B4GALT5: variants seen among roughly 807,000 people sequenced by gnomAD.
The protein encoded by B4GALT5 is UDP-Gal:beta-GlcNAc beta-1,4-galactosyltransferase 5.
In B4GALT5, 11 loss-of-function variants were observed where a neutral mutation model predicts 45.0. That is an observed-to-expected ratio of 0.24 (90% confidence interval 0.15 to 0.40). The LOEUF is 0.40. Ranked by LOEUF, B4GALT5 falls within the 10% of genes least tolerant of loss-of-function variation. The pLI, the probability that B4GALT5 is intolerant of heterozygous loss-of-function variation, is 1.00. For missense variants in B4GALT5, 337 were observed against 500.2 expected, an observed-to-expected ratio of 0.67 and a Z score of 3.11; for synonymous variants, 185 against 182.9, an observed-to-expected ratio of 1.01 and a Z score of -0.09.
intron 2 of B4GALT5, among the ~76,000 whole-genome samples, chr20:49,655,505 G>C (rs2085639019): frequency 6.6e-6 from 1 of 152,144 alleles, no homozygotes; most frequent in Non-Finnish European, 1.5e-5. Flanking sequence ...TGAATCCTTA[G>C]TAAGATGAAA....
At chr20:49,640,956 T>C (rs2085574636) in intron 5 of B4GALT5, among the ~76,000 whole-genome samples, 1 of 151,902 alleles carries the variant, frequency 6.6e-6, no homozygotes, top group South Asian at 2.1e-4. Context: ...CTACTGAAAA[T>C]ACAAAAACAT....
At chr20:49,661,485 T>C (rs1449225328) in intron 1 of B4GALT5, among the ~76,000 whole-genome samples, 1 of 152,208 alleles carries the variant, frequency 6.6e-6, no homozygotes, top group Non-Finnish European at 1.5e-5. Context: ...TCTGCCTGCC[T>C]TGGCCTCCCA....
rs543351878 is a variant in B4GALT5 at position 49,674,689 on chromosome 20, T to TA, written c.116-17988dup. Among the ~76,000 whole-genome samples, 1,232 of 142,186 alleles carry TA rather than the reference T, an allele frequency of 8.7e-3. 16 individuals are homozygous for TA. The highest frequency in any genetic ancestry group is 0.028 in the African/African-American group (1,089 of 38,878). 93.3% of individuals were successfully genotyped at this position (142,186 alleles called of 152,430 possible). A position where few individuals can be genotyped will look rare whatever the true frequency, so the allele number is the denominator to read the frequency against. ...AAACATAGCGAGACCCCATCCCTATTAAAAAAAAAAAAGAAGAAGAAGAAG... is the reference window on the plus strand; with the variant it reads ...AAACATAGCGAGACCCCATCCCTATTAAAAAAAAAAAAAGAAGAAGAAGAAG... On this transcript the variant is annotated intron_variant, in intron 1 of 8. Coordinates refer to ENST00000371711, the MANE Select transcript of B4GALT5 (RefSeq NM_004776.4).
chr20:49,633,469 T>C lies in B4GALT5; in HGVS notation c.*2843A>G, dbSNP rs1237882064. Reference sequence around the variant, plus strand: ...TTTTTTTAACATGACAATTTCACACTATTAACAGCACACGGGCCTGGCTGT... The same window carrying C: ...TTTTTTTAACATGACAATTTCACACCATTAACAGCACACGGGCCTGGCTGT... On this transcript the variant is annotated 3_prime_UTR_variant, in exon 9 of 9. Transcript: ENST00000371711. 1 of 151,064 alleles carries C rather than the reference T, an allele frequency of 6.6e-6. No individual in the cohort carries two copies. The highest frequency in any genetic ancestry group is 2.4e-5 in the African/African-American group (1 of 41,038). 9.4% of individuals were successfully genotyped at this position (151,064 alleles called of 1,614,324 possible).
At chr20:49,709,763 C>T (rs1031518699) in intron 1 of B4GALT5, among the ~76,000 whole-genome samples, 2 of 147,444 alleles carry the variant, frequency 1.4e-5, no homozygotes, top group African/African-American at 5.0e-5. Context: ...AGCGAAACTC[C>T]GTCTCAAAAA....
rs369189890 is a variant in B4GALT5, at chr20:49,656,706, C to T, written c.116-4G>A. On this transcript the variant is annotated splice_region_variant and splice_polypyrimidine_tract_variant and intron_variant, in intron 1 of 8. Coordinates refer to ENST00000371711, the MANE Select transcript of B4GALT5 (RefSeq NM_004776.4). ...ATCATGAAGAGGTAGGTGTTCACTG[C>T]AGAAAGCAAAAAGGGGAAAAAGAGG... 2 of 1,613,226 alleles carry T rather than the reference C, an allele frequency of 1.2e-6. No homozygotes were observed. The highest frequency in any genetic ancestry group is 1.1e-5 in the South Asian group (1 of 91,030).
Position 49,634,249 on chromosome 20 carries a change from G to A in B4GALT5, c.*2063C>T, listed in dbSNP as rs550251817. ...GCCAATCACTCCCACAGTTTGTGGG[G>A]ATCATATGTCCACAGAACCATCACA... is the stretch of plus-strand genomic sequence containing the variant. On this transcript the variant is annotated 3_prime_UTR_variant, in exon 9 of 9. Coordinates refer to ENST00000371711, the MANE Select transcript of B4GALT5 (RefSeq NM_004776.4). 1 of 152,394 alleles carries A rather than the reference G, an allele frequency of 6.6e-6. No homozygotes were observed. Among genetic ancestry groups the A allele is most frequent in the South Asian group, 2.1e-4 (1 of 4,812 alleles). 9.4% of individuals were successfully genotyped at this position (152,394 alleles called of 1,614,324 possible). A position where few individuals can be genotyped will look rare whatever the true frequency, so the allele number is the denominator to read the frequency against.
intron 1 of B4GALT5, among the ~76,000 whole-genome samples, chr20:49,663,456 A>G (rs12480331): frequency 0.11 from 16,064 of 149,408 alleles, 962 homozygotes; most frequent in East Asian, 0.16. Context: ...AAAAAAAAAC[A>G]TAGGAAGAGT....
chr20:49,702,646 C>T (rs532014186), intron 1 of B4GALT5, among the ~76,000 whole-genome samples: 6 of 151,860 alleles, frequency 4.0e-5, no homozygotes, highest in South Asian at 2.1e-4. Context: ...CTTCAGTCCA[C>T]GAGTTTGAGA....
At chr20:49,705,212 G>A (rs1164108786) in intron 1 of B4GALT5, among the ~76,000 whole-genome samples, 7 of 152,036 alleles carry the variant, frequency 4.6e-5, no homozygotes, top group Admixed American at 1.3e-4. Flanking sequence ...ATGAGTCTGG[G>A]GCTCTATTTC....
At chr20:49,693,015 T>C (rs2043553164) in intron 1 of B4GALT5, among the ~76,000 whole-genome samples, 1 of 152,212 alleles carries the variant, frequency 6.6e-6, no homozygotes, top group Non-Finnish European at 1.5e-5. Flanking sequence ...ACCTACAGTA[T>C]TCAGTACAGT....
chr20:49,696,202 A>G (rs2085839000), intron 1 of B4GALT5, among the ~76,000 whole-genome samples: 1 of 152,254 alleles, frequency 6.6e-6, no homozygotes, highest in African/African-American at 2.4e-5. Context: ...TTGACAAACT[A>G]GAGAAAAAAT....
At chr20:49,639,857 T>C (rs763184532) in intron 6 of B4GALT5, 57 bp from the exon 7 acceptor site, 6 of 1,592,356 alleles carry the variant, frequency 3.8e-6, no homozygotes, top group South Asian at 1.1e-5. Flanking sequence ...CTGTTTTCCC[T>C]AGAAGGTTCT....
intron 1 of B4GALT5, among the ~76,000 whole-genome samples, chr20:49,697,270 G>A (rs2085843156): frequency 6.6e-6 from 1 of 152,258 alleles, no homozygotes; most frequent in Non-Finnish European, 1.5e-5. Flanking sequence ...CCTGACTTCA[G>A]CAGCCACAGC....
At chr20:49,670,882 G>C (rs527990914) in intron 1 of B4GALT5, among the ~76,000 whole-genome samples, 1 of 152,018 alleles carries the variant, frequency 6.6e-6, no homozygotes, top group Non-Finnish European at 1.5e-5. Context: ...CCTACTTTCA[G>C]GTATTCATCC....
At chr20:49,704,029 T>C (rs1379926334) in intron 1 of B4GALT5, among the ~76,000 whole-genome samples, 3 of 152,220 alleles carry the variant, frequency 2.0e-5, no homozygotes, top group Non-Finnish European at 2.9e-5. Flanking sequence ...AAACATTTTT[T>C]TCCTTTTTCA....
At chr20:49,692,336 G>A (rs889065858) in intron 1 of B4GALT5, among the ~76,000 whole-genome samples, 5 of 151,144 alleles carry the variant, frequency 3.3e-5, no homozygotes, top group Middle Eastern at 3.2e-3. Context: ...GCATGGTGGC[G>A]CGTGCCTGTA....
chr20:49,696,634 C>A (rs992366536), intron 1 of B4GALT5, among the ~76,000 whole-genome samples: 2 of 152,172 alleles, frequency 1.3e-5, no homozygotes, highest in East Asian at 3.8e-4. Flanking sequence ...CTTTTTCTCC[C>A]AGCCCAGCAA....
chr20:49,647,096 A>C lies in B4GALT5; in HGVS notation c.251-18T>G. The C allele has an allele frequency of 6.4e-7, 1 of 1,553,758 alleles. No homozygotes were observed. Among genetic ancestry groups the C allele is most frequent in the African/African-American group, 1.4e-5 (1 of 73,736 alleles). On this transcript the variant is annotated intron_variant, in intron 2 of 8. Transcript: ENST00000371711. ...AGGATAATCTAGGGAGGTAAAGGAA[A>C]AAAGTCGATCAGACTGGTATGTGTG...
Sources: allele counts gnomAD v4.1 joint callset (sites outside exome capture counted in the v4.1 genomes callset), GRCh38; gene constraint gnomAD v4.1.1; transcripts MANE v1.5; gene names NCBI Gene and HGNC (gene_info 2026-07-23, HGNC 2026-07-21).